Variants in PLXNA4 observed in about 807,000 individuals in gnomAD.
PLXNA4 encodes plexin-A4.
Under a neutral mutation model 191.8 loss-of-function variants are expected in PLXNA4, and 44 were observed. The observed-to-expected ratio is 0.23, with a 90% CI of 0.18 to 0.29. The LOEUF is 0.29. Among genes scored for constraint, PLXNA4 ranks in the 10% least tolerant of loss-of-function variants. The pLI is 1.00. For missense variants in PLXNA4, 1,800 were observed against 2,488.8 expected, an observed-to-expected ratio of 0.72 and a Z score of 5.89; for synonymous variants, 1,082 against 1,009.5, an observed-to-expected ratio of 1.07 and a Z score of -1.36.
rs776600963 is a variant in PLXNA4, at chr7:132,202,652, G to A, written c.2580C>T (p.Ile860=). 1 of 1,508,026 alleles carries A rather than the reference G, an allele frequency of 6.6e-7. No homozygotes were observed. Among genetic ancestry groups the A allele is most frequent in the Non-Finnish European group, 8.9e-7 (1 of 1,123,188 alleles). The allele number at this position is 1,508,026 out of a possible 1,614,324, so 93.4% of individuals were successfully genotyped here. The change falls in exon 12 of 32, where the codon ATC becomes ATT. Residue 860 remains isoleucine, a synonymous_variant. Transcript: ENST00000321063. ...GAKSKCTNPR[I]TEIIPVTGPR... ...AGGCCCGACCCCGGCTTACCTCTGT[G>A]ATGCGGGGGTTTGTGCACTTGCTTT...
chr7:132,398,582 G>C (rs747454848), intron 3 of PLXNA4, among the ~76,000 whole-genome samples: 2 of 152,208 alleles, frequency 1.3e-5, no homozygotes, highest in Admixed American at 6.5e-5. Flanking sequence ...CCCAGTTTAA[G>C]AGCCTGGGCT....
chr7:132,163,777 C>T (rs1562891219), intron 24 of PLXNA4, among the ~76,000 whole-genome samples: 2 of 152,182 alleles, frequency 1.3e-5, no homozygotes, highest in Non-Finnish European at 2.9e-5. Flanking sequence ...TCTCTGTCCC[C>T]CACTCTCTGC....
chr7:132,161,405 A>C (rs1795944878), intron 24 of PLXNA4, among the ~76,000 whole-genome samples: 1 of 152,210 alleles, frequency 6.6e-6, no homozygotes, highest in African/African-American at 2.4e-5. Flanking sequence ...AGCTCCACCC[A>C]CAGGTTCCCT....
At chr7:132,597,081 G>C (rs773536778) in intron 2 of PLXNA4, among the ~76,000 whole-genome samples, 1 of 152,202 alleles carries the variant, frequency 6.6e-6, no homozygotes, top group Non-Finnish European at 1.5e-5. Context: ...CCCCAGACTG[G>C]CTGATTGCCT....
Position 132,130,295 on chromosome 7 carries a change from C to A in PLXNA4, c.*184G>T. ...TGGTCCAATCGTGTTGGCAGAGCAA[C>A]TGGAAGAGAAGAGATCCAGGAAGGA... On this transcript the variant is annotated 3_prime_UTR_variant, in exon 32 of 32. Transcript: ENST00000321063. The A allele has an allele frequency of 1.2e-6, 1 of 832,506 alleles. No homozygotes were observed. Among genetic ancestry groups the A allele is most frequent in the Non-Finnish European group, 1.8e-6 (1 of 550,372 alleles). The allele number at this position is 832,506 out of a possible 1,614,324, so 51.6% of individuals were successfully genotyped here.
intron 3 of PLXNA4, among the ~76,000 whole-genome samples, chr7:132,436,548 AG>A (rs761085394): frequency 6.6e-6 from 1 of 152,228 alleles, no homozygotes; most frequent in Non-Finnish European, 1.5e-5. Context: ...ATGCAGTGGG[AG>A]ATCCCAATCA....
intron 18 of PLXNA4, among the ~76,000 whole-genome samples, chr7:132,180,972 T>A (rs2116739059): frequency 6.6e-6 from 1 of 152,366 alleles, no homozygotes; most frequent in South Asian, 2.1e-4. Context: ...CTCAGAATCC[T>A]TCTCAATGCA....
At chr7:132,550,284 G>C (rs906547424) in intron 1 of PLXNA4, among the ~76,000 whole-genome samples, 10 of 152,230 alleles carry the variant, frequency 6.6e-5, no homozygotes, top group Non-Finnish European at 2.9e-5. Context: ...GCACCCACAA[G>C]TGAGGACAGG....
At chr7:132,372,009 C>T (rs547868851) in intron 3 of PLXNA4, among the ~76,000 whole-genome samples, 4 of 152,328 alleles carry the variant, frequency 2.6e-5, no homozygotes, top group East Asian at 3.9e-4. Context: ...TGTTGGCCAT[C>T]GCCTCTAGAT....
At chr7:132,426,820 T>C (rs938356463) in intron 3 of PLXNA4, among the ~76,000 whole-genome samples, 5 of 152,204 alleles carry the variant, frequency 3.3e-5, no homozygotes, top group African/African-American at 1.2e-4. Flanking sequence ...CATTACTCAA[T>C]AAATTCACAT....
intron 10 of PLXNA4, among the ~76,000 whole-genome samples, chr7:132,207,089 T>G (rs538313765): frequency 3.9e-4 from 60 of 152,362 alleles, no homozygotes; most frequent in Non-Finnish European, 6.8e-4. Context: ...TCTGAGATAT[T>G]TTGCCGGAAA....
chr7:132,197,597 G>T (rs1053952968), intron 13 of PLXNA4, among the ~76,000 whole-genome samples: 2 of 152,174 alleles, frequency 1.3e-5, no homozygotes, highest in Non-Finnish European at 2.9e-5. Context: ...AAGTGGTGAT[G>T]GACCAGAGAG....
At chr7:132,623,207 G>A (rs1035943328) in intron 2 of PLXNA4, among the ~76,000 whole-genome samples, 11 of 151,994 alleles carry the variant, frequency 7.2e-5, no homozygotes, top group South Asian at 2.1e-4. Context: ...TTAGCCGGGC[G>A]TGGCAGCACG....
intron 2 of PLXNA4, among the ~76,000 whole-genome samples, chr7:132,620,972 G>A (rs972102169): frequency 1.4e-4 from 21 of 152,008 alleles, no homozygotes; most frequent in Admixed American, 7.2e-4. Flanking sequence ...CTGTATCCTC[G>A]CAGGGCAGAG....
intron 2 of PLXNA4, among the ~76,000 whole-genome samples, chr7:132,597,123 C>G (rs530708704): frequency 6.6e-6 from 1 of 152,286 alleles, no homozygotes; most frequent in South Asian, 2.1e-4. Flanking sequence ...GGGCTTTGCT[C>G]AGGATCAAGG....
intron 3 of PLXNA4, among the ~76,000 whole-genome samples, chr7:132,440,964 T>C (rs982566462): frequency 5.3e-5 from 8 of 152,368 alleles, no homozygotes; most frequent in African/African-American, 1.9e-4. Flanking sequence ...CAAAATAATA[T>C]GATAGTTATT....
chr7:132,359,631 T>C (rs1803855609), intron 3 of PLXNA4, among the ~76,000 whole-genome samples: 1 of 152,210 alleles, frequency 6.6e-6, no homozygotes, highest in Non-Finnish European at 1.5e-5. Context: ...CCTAAGGTCT[T>C]AAATTATTAT....
At chr7:132,323,206 A>G (rs921579958) in intron 3 of PLXNA4, among the ~76,000 whole-genome samples, 1 of 152,146 alleles carries the variant, frequency 6.6e-6, no homozygotes, top group East Asian at 1.9e-4. Flanking sequence ...TCACCTGTAC[A>G]TGTGCATTGC....
At chr7:132,237,245 C>G (rs577588335) in intron 5 of PLXNA4, among the ~76,000 whole-genome samples, 1 of 152,178 alleles carries the variant, frequency 6.6e-6, no homozygotes, top group Non-Finnish European at 1.5e-5. Context: ...ATTTCAGGAC[C>G]TCAGAAATCC....
Sources: allele counts gnomAD v4.1 joint callset (sites outside exome capture counted in the v4.1 genomes callset), GRCh38; gene constraint gnomAD v4.1.1; transcripts MANE v1.5; gene names NCBI Gene and HGNC (gene_info 2026-07-23, HGNC 2026-07-21).